PDGFB: variants seen among roughly 807,000 people sequenced by gnomAD.
The protein encoded by PDGFB is platelet derived growth factor subunit B, also known as platelet-derived growth factor subunit B.
PDGFB carries 6 observed loss-of-function variants against 29.0 expected under a neutral mutation model. The ratio of observed to expected loss-of-function variants is 0.21; its 90% CI spans 0.11 to 0.41. The LOEUF (loss-of-function observed/expected upper bound fraction) is 0.41. Ranked by LOEUF, PDGFB falls within the 10% of genes least tolerant of loss-of-function variation. The pLI, the probability that PDGFB is intolerant of heterozygous loss-of-function variation, is 1.00. For missense variants in PDGFB, 299 were observed against 341.8 expected (o/e 0.87, Z 0.99); for synonymous variants, 144 against 140.8 (o/e 1.02, Z -0.16).
intron 2 of PDGFB, 35 bp downstream of exon 2, chr22:39,235,743 G>A (rs369088562): frequency 1.5e-5 from 23 of 1,485,904 alleles, no homozygotes; most frequent in African/African-American, 2.8e-5. Flanking sequence ...AAGTCTCCTC[G>A]GAGGGCCGGA....
chr22:39,232,519 C>G (rs188495901), intron 3 of PDGFB, among the ~76,000 whole-genome samples: 121 of 151,838 alleles, frequency 8.0e-4, no homozygotes, highest in African/African-American at 2.8e-3. Flanking sequence ...GAGACGGAGT[C>G]TTGCTCTGTC....
intron 1 of PDGFB, chr22:39,241,169 C>T: frequency 1.9e-6 from 1 of 514,500 alleles, no homozygotes; most frequent in Non-Finnish European, 3.5e-6. Context: ...GGGACTCGCC[C>T]TCCTGGAAGC....
At position 39,231,574 on chromosome 22, in the gene PDGFB, T is replaced by A; in HGVS notation, c.456+48A>T. On this transcript the variant is annotated intron_variant, in intron 4 of 6. Coordinates refer to ENST00000331163, the MANE Select transcript of PDGFB (RefSeq NM_002608.4). The surrounding 1 kb of genome is among the most constrained non-coding windows in gnomAD (Gnocchi z 4.3). ...AGGTATGAGCCCCAGAAGGGTGGTC[T>A]CCACCCACCACCGGGACCAGCCTCG... The A allele has an allele frequency of 7.3e-7, 1 of 1,370,630 alleles. No individual in the cohort carries two copies. The highest frequency in any genetic ancestry group is 1.4e-5 in the African/African-American group (1 of 69,872). The allele number at this position is 1,370,630 out of a possible 1,614,324, so 84.9% of individuals were successfully genotyped here.
rs1049672008 is a variant in PDGFB at position 39,225,556 on chromosome 22, C to T, written c.*28+139G>A. 72 of 804,660 alleles carry T rather than the reference C, an allele frequency of 8.9e-5. 1 individual carries two copies. The highest frequency in any genetic ancestry group is 8.0e-4 in the South Asian group (40 of 50,030). 49.8% of individuals were successfully genotyped at this position (804,660 alleles called of 1,614,324 possible). A position where few individuals can be genotyped will look rare whatever the true frequency, so the allele number is the denominator to read the frequency against. ...CCAAAGCCCACCACCCACCCTGCCCCAGCTGATAACTGGACAGGGAGGACC... is the reference window on the plus strand; with the variant it reads ...CCAAAGCCCACCACCCACCCTGCCCTAGCTGATAACTGGACAGGGAGGACC... On this transcript the variant is annotated intron_variant, in intron 6 of 6. Coordinates refer to ENST00000331163, the MANE Select transcript of PDGFB (RefSeq NM_002608.4).
rs1288048383 is a variant in PDGFB at position 39,243,216 on chromosome 22, ATCTTTCTCTCCC to A, written c.63+673_63+684del. ...GTGCCCGAAACCTACCTGCGTCTCT[ATCTTTCTCTCCC>A]TCTCTCTCTCCGTCTCTCTCTCCGT... On this transcript the variant is annotated intron_variant, in intron 1 of 6. Coordinates refer to ENST00000331163, the MANE Select transcript of PDGFB (RefSeq NM_002608.4). This position sits in a 1 kb window ranked among gnomAD's most constrained non-coding sequence, Gnocchi z 6.4. 6.4e-5 allele frequency among the ~76,000 whole-genome samples: 9 copies of A among 140,944 alleles called. No homozygotes were observed. Among genetic ancestry groups the A allele is most frequent in the African/African-American group, 1.9e-4 (7 of 36,544 alleles). 92.5% of individuals were successfully genotyped at this position (140,944 alleles called of 152,430 possible).
chr22:39,226,936 G>A (rs1314463727), intron 5 of PDGFB, among the ~76,000 whole-genome samples: 4 of 151,826 alleles, frequency 2.6e-5, no homozygotes, highest in East Asian at 1.9e-4. Context: ...TCACTTAACT[G>A]CCCTGTGCCT....
intron 1 of PDGFB, among the ~76,000 whole-genome samples, chr22:39,241,290 C>T (rs183515635): frequency 6.6e-6 from 1 of 152,306 alleles, no homozygotes; most frequent in East Asian, 1.9e-4. Context: ...ACGACCAGGA[C>T]GTGGACAGCT....
chr22:39,231,608 C>T lies in PDGFB; in HGVS notation c.456+14G>A, dbSNP rs765610838. 68 of 1,533,918 alleles carry T rather than the reference C, an allele frequency of 4.4e-5. No homozygotes were observed. The highest frequency in any genetic ancestry group is 2.4e-4 in the East Asian group (10 of 41,258). ...CACCGGGACCAGCCTCGGGGGGCCG[C>T]GGAGCCTACGCACCTGGACAGGTCG... On this transcript the variant is annotated intron_variant, in intron 4 of 6. Coordinates refer to ENST00000331163, the MANE Select transcript of PDGFB (RefSeq NM_002608.4). This position sits in a 1 kb window ranked among gnomAD's most constrained non-coding sequence, Gnocchi z 4.3.
rs115093500 is a variant in PDGFB at position 39,231,374 on chromosome 22, G to T, written c.456+248C>A. On this transcript the variant is annotated intron_variant, in intron 4 of 6. Coordinates refer to ENST00000331163, the MANE Select transcript of PDGFB (RefSeq NM_002608.4). This position sits in a 1 kb window ranked among gnomAD's most constrained non-coding sequence, Gnocchi z 4.3. Reference sequence around the variant, plus strand: ...CTCCACACCTCGCCCAGCCCGGGGGGTCTGTCTGTGGCTTTTGGCTACAGT... The same window carrying T: ...CTCCACACCTCGCCCAGCCCGGGGGTTCTGTCTGTGGCTTTTGGCTACAGT... Among the ~76,000 whole-genome samples, 908 of 152,312 alleles carry T rather than the reference G, an allele frequency of 6.0e-3. 6 individuals are homozygous for T. The highest frequency in any genetic ancestry group is 0.021 in the African/African-American group (861 of 41,570).
chr22:39,235,929 T>A, intron 1 of PDGFB, 55 bp from the exon 2 acceptor site: 1 of 1,189,272 alleles, frequency 8.4e-7, no homozygotes, highest in Non-Finnish European at 1.2e-6. Context: ...CTTTCCAGCA[T>A]GGCTGTCTCC....
intron 2 of PDGFB, among the ~76,000 whole-genome samples, chr22:39,233,976 C>G (rs1413121027): frequency 7.5e-6 from 1 of 133,620 alleles, no homozygotes; most frequent in Non-Finnish European, 1.5e-5. Context: ...CCCTCTGGAG[C>G]CCCGGACAAT....
chr22:39,237,120 G>A (rs1404702480), intron 1 of PDGFB, among the ~76,000 whole-genome samples: 1 of 152,140 alleles, frequency 6.6e-6, no homozygotes, highest in Non-Finnish European at 1.5e-5. Flanking sequence ...CCTGACGGCG[G>A]AGGGGGAGCG....
chr22:39,240,877 C>A (rs1325696684), intron 1 of PDGFB: 1 of 1,613,278 alleles, frequency 6.2e-7, no homozygotes. Flanking sequence ...AAACATCTCA[C>A]CATTCCTGCT....
chr22:39,240,919 G>T, intron 1 of PDGFB: 1 of 1,238,676 alleles, frequency 8.1e-7, no homozygotes, highest in Non-Finnish European at 1.1e-6. Context: ...TCTCTCAGAT[G>T]CGCACACACA....
chr22:39,227,709 C>T (rs1353693650), intron 5 of PDGFB, among the ~76,000 whole-genome samples: 4 of 152,192 alleles, frequency 2.6e-5, no homozygotes, highest in East Asian at 3.8e-4. Flanking sequence ...CACTTCTCTC[C>T]GTCCTGGATT....
chr22:39,244,028 C>T lies in PDGFB; in HGVS notation c.-65G>A. 1 of 596,228 alleles carries T rather than the reference C, an allele frequency of 1.7e-6. No individual in the cohort carries two copies. The allele number at this position is 596,228 out of a possible 1,614,324, so 36.9% of individuals were successfully genotyped here. On this transcript the variant is annotated 5_prime_UTR_variant, in exon 1 of 7. Coordinates refer to ENST00000331163, the MANE Select transcript of PDGFB (RefSeq NM_002608.4). The surrounding 1 kb of genome is among the most constrained non-coding windows in gnomAD (Gnocchi z 4.5). The stretch of plus-strand genomic sequence containing the variant: ...AGATCGAGCGCGCCGCCCCCGCGGC[C>T]AGGGTGGGGGGCTGGGGAGGGGGGT...
intron 1 of PDGFB, chr22:39,240,807 G>A: frequency 1.2e-6 from 2 of 1,601,952 alleles, no homozygotes; most frequent in Non-Finnish European, 1.7e-6. Context: ...TCACAGAAGA[G>A]GCTCCTCAAT....
intron 1 of PDGFB, among the ~76,000 whole-genome samples, chr22:39,236,403 C>A (rs1932443425): frequency 6.6e-6 from 1 of 152,192 alleles, no homozygotes; most frequent in Admixed American, 6.5e-5. Flanking sequence ...TAAACGCGTG[C>A]AGAGTGCGAT....
intron 4 of PDGFB, 127 bp from the exon 5 acceptor site, chr22:39,230,355 A>G (rs1932269950): frequency 1.1e-6 from 1 of 912,764 alleles, no homozygotes; most frequent in Non-Finnish European, 1.7e-6. Context: ...CCCGGAGAGC[A>G]GGCTGTGGGG....
Sources: allele counts gnomAD v4.1 joint callset (sites outside exome capture counted in the v4.1 genomes callset), GRCh38; gene constraint gnomAD v4.1.1; non-coding constraint Gnocchi (gnomAD v3.1); transcripts MANE v1.5; gene names NCBI Gene and HGNC (gene_info 2026-07-23, HGNC 2026-07-21).